Variants in MOBP observed in about 807,000 individuals in gnomAD.
The protein encoded by MOBP is myelin-associated oligodendrocyte basic protein.
A neutral mutation model predicts 15.0 loss-of-function variants in MOBP; 5 were observed. The ratio of observed to expected loss-of-function variants is 0.33; its 90% CI spans 0.17 to 0.70. The LOEUF is 0.70. Among genes scored for constraint, MOBP ranks in the 30% least tolerant of loss-of-function variants. The probability of loss-of-function intolerance (pLI) is 0.67; values close to 1 mark genes in which losing one functional copy is unlikely to be tolerated. For synonymous variants in MOBP, 88 were observed against 99.0 expected (o/e 0.89, Z 0.66); for missense variants, 188 against 257.8 (o/e 0.73, Z 1.85).
chr3:39,476,294 A>G (rs1348861702), intron 1 of MOBP, among the ~76,000 whole-genome samples: 1 of 152,138 alleles, frequency 6.6e-6, no homozygotes, highest in African/African-American at 2.4e-5. Flanking sequence ...GCATTTTAAC[A>G]TGAGATTTGG....
At chr3:39,516,232 G>A (rs1157280731), downstream of MOBP, among the ~76,000 whole-genome samples, 1 of 152,130 alleles carries the variant, frequency 6.6e-6, no homozygotes, top group Non-Finnish European at 1.5e-5. Context: ...GGCAAGGGCT[G>A]GAGTGTTGCA....
At chr3:39,513,406 C>T (rs2043147147) in exon 5 of MOBP, 2 of 1,614,094 alleles carry the variant, frequency 1.2e-6, no homozygotes, top group African/African-American at 2.7e-5. Flanking sequence ...ATCAGGCCAA[C>T]CCCAAAGAAG....
At chr3:39,490,965 G>A (rs1156397900) in intron 2 of MOBP, among the ~76,000 whole-genome samples, 1 of 152,202 alleles carries the variant, frequency 6.6e-6, no homozygotes, top group African/African-American at 2.4e-5. Flanking sequence ...AAAAAGGAAA[G>A]GGAAGGTTTA....
At chr3:39,497,668 A>T (rs1332266228) in intron 2 of MOBP, among the ~76,000 whole-genome samples, 1 of 152,252 alleles carries the variant, frequency 6.6e-6, no homozygotes, top group Non-Finnish European at 1.5e-5. Context: ...GAGATAAAGT[A>T]TGCAAAACAA....
chr3:39,468,861 GTA>G lies in MOBP; in HGVS notation c.-89+1128_-89+1129del, dbSNP rs1170895405. On this transcript the variant is annotated intron_variant, in intron 1 of 3. Transcript: ENST00000684792. Reference sequence around the variant, plus strand: ...TATATATACATATATACATGAGTGTGTATATATACATATATACATATGTGTGT... The same window carrying G: ...TATATATACATATATACATGAGTGTGTATATACATATATACATATGTGTGT... Among the ~76,000 whole-genome samples, 4 of 115,732 alleles carry G rather than the reference GTA, an allele frequency of 3.5e-5. 1 individual carries two copies. The highest frequency in any genetic ancestry group is 8.3e-5 in the Admixed American group (1 of 12,102). The allele number at this position is 115,732 out of a possible 152,430, so 75.9% of individuals were successfully genotyped here.
exon 5 of MOBP, chr3:39,513,584 G>A: frequency 7.0e-6 from 5 of 710,904 alleles, no homozygotes; most frequent in Non-Finnish European, 1.2e-5. Flanking sequence ...TGGCATGGGG[G>A]CCTCAGGGCA....
At chr3:39,513,564 A>G in exon 5 of MOBP, 1 of 825,874 alleles carries the variant, frequency 1.2e-6, no homozygotes. Context: ...GCTGATGCTC[A>G]TGGTCCCCAT....
downstream of MOBP, among the ~76,000 whole-genome samples, chr3:39,504,503 C>T (rs2043024078): frequency 7.6e-6 from 1 of 132,318 alleles, no homozygotes; most frequent in Non-Finnish European, 1.6e-5. Context: ...TTGACTCCCT[C>T]AGTTAACTAA....
intron 2 of MOBP, among the ~76,000 whole-genome samples, chr3:39,499,239 G>A (rs1195990595): frequency 2.0e-5 from 3 of 152,072 alleles, no homozygotes; most frequent in African/African-American, 7.2e-5. Flanking sequence ...TGAACTTCGC[G>A]ACCTATGTAG....
chr3:39,468,832 T>TGTGTATATATACATATATACATGA (rs2042393911), intron 1 of MOBP, among the ~76,000 whole-genome samples: 1 of 118,020 alleles, frequency 8.5e-6, no homozygotes, highest in African/African-American at 5.0e-5. Context: ...ATTACATATG[T>TGTGTATATATACATATATACATGA]GTGTATATAT....
At chr3:39,498,050 T>C (rs1281633761) in intron 2 of MOBP, among the ~76,000 whole-genome samples, 1 of 152,256 alleles carries the variant, frequency 6.6e-6, no homozygotes, top group Non-Finnish European at 1.5e-5. Flanking sequence ...GGTTACGGTT[T>C]ACTATGTACA....
intron 2 of MOBP, among the ~76,000 whole-genome samples, chr3:39,497,716 G>T (rs1349085237): frequency 6.6e-6 from 1 of 152,158 alleles, no homozygotes; most frequent in Admixed American, 6.5e-5. Context: ...TTACTTCTTC[G>T]CTGTTAGTTA....
At chr3:39,526,671 C>T (rs138751001), downstream of MOBP, 17 of 151,550 alleles carry the variant, frequency 1.1e-4, no homozygotes, top group East Asian at 3.9e-4. Flanking sequence ...GAGTTTTCCT[C>T]GTAAATACCC....
At chr3:39,496,199 C>CTTTTTTTTTTTTTT (rs539988699) in intron 2 of MOBP, among the ~76,000 whole-genome samples, 1 of 144,380 alleles carries the variant, frequency 6.9e-6, no homozygotes, top group Admixed American at 6.9e-5. Context: ...TCTTTTTTTT[C>CTTTTTTTTTTTTTT]TTTTTTTTTT....
intron 4 of MOBP, among the ~76,000 whole-genome samples, chr3:39,509,831 G>C (rs7627984): frequency 0.022 from 3,367 of 152,070 alleles, 124 homozygotes; most frequent in African/African-American, 0.072. Flanking sequence ...CTGATGTACA[G>C]GTCTACACTG....
chr3:39,519,267 G>A (rs2043238060), downstream of MOBP, among the ~76,000 whole-genome samples: 1 of 152,096 alleles, frequency 6.6e-6, no homozygotes. Context: ...GACAGCTTCT[G>A]TTCTTTCTCT....
chr3:39,513,702 C>A (rs771393142), exon 5 of MOBP: 5 of 416,608 alleles, frequency 1.2e-5, no homozygotes, highest in Admixed American at 4.0e-5. Context: ...TTTTGTTTCA[C>A]CTGCAGTCCT....
At chr3:39,506,374 C>G (rs927041415), downstream of MOBP, among the ~76,000 whole-genome samples, 1 of 152,036 alleles carries the variant, frequency 6.6e-6, no homozygotes, top group Admixed American at 6.6e-5. Context: ...GCAGATTCCT[C>G]CAGAAGTAAC....
At chr3:39,493,872 A>C (rs1358953325) in intron 2 of MOBP, among the ~76,000 whole-genome samples, 1 of 152,188 alleles carries the variant, frequency 6.6e-6, no homozygotes, top group Non-Finnish European at 1.5e-5. Flanking sequence ...AAGGAACCCT[A>C]TGGGACAAGT....
Sources: gnomAD v4.1 joint callset for allele counts (sites outside exome capture counted in the v4.1 genomes callset) on GRCh38, gnomAD v4.1.1 for gene constraint, MANE v1.5 for transcripts, NCBI Gene and HGNC (gene_info 2026-07-23, HGNC 2026-07-21) for gene names.